Variants in ABLIM1 observed in about 807,000 individuals in gnomAD.
ABLIM1 encodes the protein actin-binding LIM protein 1.
In ABLIM1, 40 loss-of-function variants were observed where a neutral mutation model predicts 107.0. That is an observed-to-expected ratio of 0.37 (90% CI 0.29 to 0.49). The LOEUF (loss-of-function observed/expected upper bound fraction) is 0.49. ABLIM1 is among the 20% of genes least tolerant of loss of function. The pLI, the probability that ABLIM1 is intolerant of heterozygous loss-of-function variation, is 0.97. For synonymous variants in ABLIM1, 357 were observed against 357.3 expected, an observed-to-expected ratio of 1.00 and a Z score of 0.01; for missense variants, 857 against 1,008.5, an observed-to-expected ratio of 0.85 and a Z score of 2.04.
chr10:114,623,451 G>A (rs929040888), intron 1 of ABLIM1, among the ~76,000 whole-genome samples: 1 of 152,160 alleles, frequency 6.6e-6, no homozygotes, highest in African/African-American at 2.4e-5. Flanking sequence ...GAGTGACAGT[G>A]ATGTTCTTTA....
At chr10:114,741,116 TA>T (rs2082278027) in intron 1 of ABLIM1, among the ~76,000 whole-genome samples, 1 of 151,262 alleles carries the variant, frequency 6.6e-6, no homozygotes, top group Non-Finnish European at 1.5e-5. Flanking sequence ...TCAGGGAAGA[TA>T]CTGTCTTAAG....
At position 114,529,594 on chromosome 10, in the gene ABLIM1, C is replaced by T. The variant is rs560637280; in HGVS notation, c.894+15411G>A. 2.3e-3 allele frequency among the ~76,000 whole-genome samples: 348 copies of T among 152,222 alleles called. 1 individual carries two copies. The highest frequency in any genetic ancestry group is 2.9e-3 in the Non-Finnish European group (198 of 68,034). ...GTTTCCAGATGAAAAGAGTGAAGAACGCCGTGTGGAGTCAAGAGGTTCAAG... is the reference window on the plus strand; with the variant it reads ...GTTTCCAGATGAAAAGAGTGAAGAATGCCGTGTGGAGTCAAGAGGTTCAAG... On this transcript the variant is annotated intron_variant, in intron 6 of 22. Coordinates refer to ENST00000533213, the MANE Select transcript of ABLIM1 (RefSeq NM_002313.7).
chr10:114,492,552 G>C (rs2059147919), intron 6 of ABLIM1, among the ~76,000 whole-genome samples: 1 of 152,148 alleles, frequency 6.6e-6, no homozygotes, highest in African/African-American at 2.4e-5. Context: ...CTTCCCCAAA[G>C]CAAAGTGTCA....
chr10:114,485,347 A>G, intron 8 of ABLIM1: 1 of 1,613,182 alleles, frequency 6.2e-7, no homozygotes, highest in South Asian at 1.1e-5. Flanking sequence ...TTGGAATAAA[A>G]GAAATCGGAT....
chr10:114,746,646 A>G (rs548854028), intron 1 of ABLIM1, among the ~76,000 whole-genome samples: 12 of 152,322 alleles, frequency 7.9e-5, no homozygotes, highest in African/African-American at 2.6e-4. Context: ...ACTGTTTTCT[A>G]TAATGGTTGT....
chr10:114,454,219 A>C (rs990279443), intron 12 of ABLIM1, among the ~76,000 whole-genome samples: 1 of 152,196 alleles, frequency 6.6e-6, no homozygotes, highest in African/African-American at 2.4e-5. Flanking sequence ...ACTGAGGACA[A>C]ATAGATGAAT....
At chr10:114,700,277 G>C (rs1284348536) in intron 1 of ABLIM1, among the ~76,000 whole-genome samples, 4 of 151,954 alleles carry the variant, frequency 2.6e-5, no homozygotes, top group Admixed American at 2.6e-4. Flanking sequence ...TAATCACTGA[G>C]GTAAATTAAA....
intron 1 of ABLIM1, among the ~76,000 whole-genome samples, chr10:114,667,944 T>C (rs1229188137): frequency 6.6e-6 from 1 of 152,158 alleles, no homozygotes; most frequent in African/African-American, 2.4e-5. Flanking sequence ...TTCCATGAGA[T>C]TTTGGAAATG....
chr10:114,491,539 G>A (rs983676217), intron 7 of ABLIM1, among the ~76,000 whole-genome samples: 11 of 152,066 alleles, frequency 7.2e-5, no homozygotes, highest in Non-Finnish European at 1.3e-4. Flanking sequence ...ATCAAATGTC[G>A]AGTTCCATTC....
chr10:114,716,945 A>T (rs577315556), intron 1 of ABLIM1, among the ~76,000 whole-genome samples: 1 of 152,140 alleles, frequency 6.6e-6, no homozygotes, highest in African/African-American at 2.4e-5. Flanking sequence ...CATGGAACTT[A>T]TATTTACCAT....
At position 114,707,622 on chromosome 10, in the gene ABLIM1, G is replaced by A. The variant is rs980192487; in HGVS notation, c.-213+60439C>T. Among the ~76,000 whole-genome samples, 5 of 152,178 alleles carry A rather than the reference G, an allele frequency of 3.3e-5. No homozygotes were observed. Among genetic ancestry groups the A allele is most frequent in the African/African-American group, 9.6e-5 (4 of 41,520 alleles). Reference sequence around the variant, plus strand: ...AGTCATAAAAAACTAATTACCGGCCGGGCACGGTGGCTCACACTTATAATC... The same window carrying A: ...AGTCATAAAAAACTAATTACCGGCCAGGCACGGTGGCTCACACTTATAATC... On this transcript the variant is annotated intron_variant, in intron 1 of 15. Transcript: ENST00000651092. This position sits in a 1 kb window ranked among gnomAD's most constrained non-coding sequence, Gnocchi z 4.1.
the ABLIM1 span, among the ~76,000 whole-genome samples, chr10:114,787,616 C>T: frequency 5.6e-5 from 8 of 142,004 alleles, no homozygotes; most frequent in East Asian, 4.4e-4. Context: ...CCGCCCCGTC[C>T]GGGAGGTGAG....
chr10:114,715,606 G>T (rs1369084542), intron 1 of ABLIM1, among the ~76,000 whole-genome samples: 1 of 152,100 alleles, frequency 6.6e-6, no homozygotes, highest in Non-Finnish European at 1.5e-5. Context: ...CACAAAGTCA[G>T]GTCGCCAAGG....
chr10:114,503,598 G>C (rs2060729093), intron 6 of ABLIM1, among the ~76,000 whole-genome samples: 1 of 152,124 alleles, frequency 6.6e-6, no homozygotes, highest in Admixed American at 6.6e-5. Flanking sequence ...CAAGGTCATA[G>C]GATATGTTTA....
chr10:114,440,230 A>C lies in ABLIM1; in HGVS notation c.2060-141T>G, dbSNP rs1355856306. On this transcript the variant is annotated intron_variant, in intron 19 of 22. Coordinates refer to ENST00000533213, the MANE Select transcript of ABLIM1 (RefSeq NM_002313.7). ...CTTTTTCTGCTCCCAGACTCTGCAC[A>C]TGTTATCCCATCAGCCTCCCTGAAG... 1.2e-5 allele frequency: 10 copies of C among 837,228 alleles called. No homozygotes were observed. In the East Asian group the frequency reaches 2.6e-4, roughly 22 times the overall value. 51.9% of individuals were successfully genotyped at this position (837,228 alleles called of 1,614,324 possible).
At chr10:114,744,627 G>C (rs1177129701) in intron 1 of ABLIM1, among the ~76,000 whole-genome samples, 3 of 152,096 alleles carry the variant, frequency 2.0e-5, no homozygotes, top group Non-Finnish European at 4.4e-5. Flanking sequence ...GCCTGGATGA[G>C]AGAGTAAGAC....
At chr10:114,526,731 A>C (rs1414921992) in intron 6 of ABLIM1, 1 of 985,380 alleles carries the variant, frequency 1.0e-6, no homozygotes, top group African/African-American at 1.7e-5. Flanking sequence ...TCCAGGCTTC[A>C]AGTTCAGAAC....
chr10:114,477,789 T>C (rs763083624), intron 8 of ABLIM1, among the ~76,000 whole-genome samples: 6 of 152,150 alleles, frequency 3.9e-5, no homozygotes, highest in African/African-American at 9.7e-5. Context: ...AGTGGCATGA[T>C]CTTGGCTTCA....
At chr10:114,587,098 G>A (rs568500539) in intron 2 of ABLIM1, among the ~76,000 whole-genome samples, 1 of 152,198 alleles carries the variant, frequency 6.6e-6, no homozygotes, top group African/African-American at 2.4e-5. Context: ...TGGAAAGTAC[G>A]ATTGGAGATG....
Sources: gnomAD v4.1 joint callset for allele counts (sites outside exome capture counted in the v4.1 genomes callset) on GRCh38, gnomAD v4.1.1 for gene constraint, Gnocchi (gnomAD v3.1) non-coding constraint, MANE v1.5 for transcripts, NCBI Gene and HGNC (gene_info 2026-07-23, HGNC 2026-07-21) for gene names.